RHOBTB1: variants seen among roughly 807,000 people sequenced by gnomAD.
The protein encoded by RHOBTB1 is rho-related BTB domain-containing protein 1.
In RHOBTB1, 40 loss-of-function variants were observed where a neutral mutation model predicts 71.6. The ratio of observed to expected loss-of-function variants is 0.56; its 90% CI spans 0.43 to 0.73. The LOEUF (loss-of-function observed/expected upper bound fraction) is 0.73, where lower values mean the gene tolerates loss of function less well. Ranked by LOEUF, RHOBTB1 falls within the 30% of genes least tolerant of loss-of-function variation. The pLI, the probability that RHOBTB1 is intolerant of heterozygous loss-of-function variation, is 0.00. For synonymous variants in RHOBTB1, 319 were observed against 334.9 expected (o/e 0.95, Z 0.52); for missense variants, 797 against 894.0 (o/e 0.89, Z 1.38).
chr10:60,939,188 G>A (rs1485231295), intron 2 of RHOBTB1, among the ~76,000 whole-genome samples: 1 of 152,162 alleles, frequency 6.6e-6, no homozygotes, highest in Non-Finnish European at 1.5e-5. Flanking sequence ...GAGGCATGGT[G>A]ATGTATTTGA....
At chr10:60,866,819 T>C (rs1000918711), downstream of RHOBTB1, among the ~76,000 whole-genome samples, 4 of 145,704 alleles carry the variant, frequency 2.7e-5, no homozygotes, top group Non-Finnish European at 4.4e-5. Flanking sequence ...TTACCATAGC[T>C]CCTATTTTCT....
intron 8 of RHOBTB1, among the ~76,000 whole-genome samples, chr10:60,877,357 C>T (rs10994556): frequency 0.33 from 50,548 of 152,060 alleles, 8,974 homozygotes; most frequent in African/African-American, 0.46. Context: ...TTTTAACTCA[C>T]TTAATCTCCA....
chr10:60,933,795 A>C (rs1220053931), intron 2 of RHOBTB1, among the ~76,000 whole-genome samples: 2 of 152,192 alleles, frequency 1.3e-5, no homozygotes, highest in Admixed American at 6.5e-5. Context: ...TTAAAAAAAA[A>C]CTAATATATG....
intron 4 of RHOBTB1, among the ~76,000 whole-genome samples, chr10:60,898,900 C>T: frequency 6.6e-6 from 1 of 152,154 alleles, no homozygotes; most frequent in East Asian, 1.9e-4. Context: ...CATCAGCATC[C>T]CAGCAATGCC....
At chr10:60,913,210 C>T (rs933653309) in intron 2 of RHOBTB1, among the ~76,000 whole-genome samples, 1 of 152,118 alleles carries the variant, frequency 6.6e-6, no homozygotes, top group Non-Finnish European at 1.5e-5. Flanking sequence ...ATGGAACTGT[C>T]GACTGTAACG....
At chr10:60,879,726 A>C (rs1051247940) in intron 7 of RHOBTB1, among the ~76,000 whole-genome samples, 3 of 152,094 alleles carry the variant, frequency 2.0e-5, no homozygotes, top group South Asian at 2.1e-4. Flanking sequence ...ATGTATGATT[A>C]CATCTTTATA....
At chr10:60,960,623 G>C (rs2085746328) in intron 2 of RHOBTB1, among the ~76,000 whole-genome samples, 1 of 152,062 alleles carries the variant, frequency 6.6e-6, no homozygotes, top group Non-Finnish European at 1.5e-5. Context: ...TATTCCTCTT[G>C]GATCATGTCC....
chr10:60,892,774 G>A, intron 5 of RHOBTB1, 36 bp downstream of exon 5: 1 of 1,573,580 alleles, frequency 6.4e-7, no homozygotes, highest in Non-Finnish European at 8.6e-7. Flanking sequence ...ATTTTAACTT[G>A]GTCAGGACAG....
intron 2 of RHOBTB1, among the ~76,000 whole-genome samples, chr10:60,951,038 C>T (rs1387607284): frequency 6.6e-6 from 1 of 152,170 alleles, no homozygotes; most frequent in Non-Finnish European, 1.5e-5. Context: ...AATACATACA[C>T]AAACACCCTA....
At chr10:60,937,021 A>G (rs1311584265) in intron 2 of RHOBTB1, among the ~76,000 whole-genome samples, 1 of 152,234 alleles carries the variant, frequency 6.6e-6, no homozygotes, top group Non-Finnish European at 1.5e-5. Flanking sequence ...CCACCAGGAT[A>G]ATATAGTCTA....
chr10:60,987,919 C>CA (rs1404813143), intron 1 of RHOBTB1, among the ~76,000 whole-genome samples: 10 of 53,686 alleles, frequency 1.9e-4, no homozygotes, highest in Non-Finnish European at 6.5e-5. Flanking sequence ...AAATACTCAA[C>CA]TTTTTTTTTT....
At chr10:60,913,957 T>C (rs1301123590) in intron 2 of RHOBTB1, among the ~76,000 whole-genome samples, 3 of 152,206 alleles carry the variant, frequency 2.0e-5, no homozygotes, top group African/African-American at 7.2e-5. Flanking sequence ...GACACACTGA[T>C]GGTTTCAAAA....
At chr10:60,904,535 T>G (rs2082566492) in intron 4 of RHOBTB1, among the ~76,000 whole-genome samples, 1 of 152,222 alleles carries the variant, frequency 6.6e-6, no homozygotes, top group South Asian at 2.1e-4. Context: ...ATGTGCTCTT[T>G]TTTGCTTGGC....
At chr10:60,990,353 A>G (rs1476690908) in intron 1 of RHOBTB1, among the ~76,000 whole-genome samples, 6 of 152,138 alleles carry the variant, frequency 3.9e-5, no homozygotes, top group Admixed American at 6.5e-5. Flanking sequence ...CAATAGGCCA[A>G]TGATTTTTCT....
chr10:60,992,804 G>C (rs1212601744), intron 1 of RHOBTB1, among the ~76,000 whole-genome samples: 1 of 151,974 alleles, frequency 6.6e-6, no homozygotes, highest in African/African-American at 2.4e-5. Flanking sequence ...CTAACACAAA[G>C]GGGAAAAAAA....
chr10:60,893,045 T>A (rs2081998047), intron 4 of RHOBTB1, 50 bp from the exon 5 acceptor site: 1 of 1,428,952 alleles, frequency 7.0e-7, no homozygotes, highest in Non-Finnish European at 9.6e-7. Flanking sequence ...ACAGGTTTTT[T>A]CTTTTACCAT....
At chr10:60,915,269 T>A (rs2083210054) in intron 2 of RHOBTB1, among the ~76,000 whole-genome samples, 1 of 152,220 alleles carries the variant, frequency 6.6e-6, no homozygotes, top group Non-Finnish European at 1.5e-5. Flanking sequence ...AGTGTACTCT[T>A]AGGACCATCT....
chr10:60,879,945 G>T (rs1196994659), intron 7 of RHOBTB1, among the ~76,000 whole-genome samples: 1 of 152,084 alleles, frequency 6.6e-6, no homozygotes, highest in East Asian at 1.9e-4. Flanking sequence ...AACATGTACA[G>T]ACTTTTTTCT....
chr10:60,887,436 C>T (rs1290057316), intron 6 of RHOBTB1, among the ~76,000 whole-genome samples: 1 of 152,170 alleles, frequency 6.6e-6, no homozygotes, highest in Non-Finnish European at 1.5e-5. Flanking sequence ...ACCCACACAC[C>T]AGCCCAGAGA....
Sources: allele counts gnomAD v4.1 joint callset (sites outside exome capture counted in the v4.1 genomes callset), GRCh38; gene constraint gnomAD v4.1.1; transcripts MANE v1.5; gene names NCBI Gene and HGNC (gene_info 2026-07-23, HGNC 2026-07-21).